CCDC92B: variants seen among roughly 807,000 people sequenced by gnomAD.
The protein encoded by CCDC92B is coiled-coil domain-containing 92B.
CCDC92B carries 2 observed loss-of-function variants against 5.6 expected under a neutral mutation model. The ratio of observed to expected loss-of-function variants is 0.36; its 90% CI spans 0.15 to 1.12. CCDC92B has a LOEUF of 1.12. CCDC92B is among the 50% of genes most tolerant of loss of function. The pLI is 0.40. For synonymous variants in CCDC92B, 115 were observed against 122.3 expected (o/e 0.94, Z 0.39); for missense variants, 271 against 262.2 (o/e 1.03, Z -0.23).
intron 2 of CCDC92B, among the ~76,000 whole-genome samples, chr17:2,732,739 C>T (rs2070808806): frequency 1.3e-5 from 2 of 150,318 alleles, no homozygotes; most frequent in Admixed American, 1.3e-4. Flanking sequence ...AAAGGCCAGG[C>T]ACGGTGGCTC....
chr17:2,721,681 C>T lies in CCDC92B; in HGVS notation c.*2730G>A, dbSNP rs1190959166. 1 of 152,242 alleles carries T rather than the reference C, an allele frequency of 6.6e-6. No homozygotes were observed. Among genetic ancestry groups the T allele is most frequent in the Non-Finnish European group, 1.5e-5 (1 of 68,074 alleles). The allele number at this position is 152,242 out of a possible 1,614,324, so 9.4% of individuals were successfully genotyped here. ...AGGGGAATTTCTGTGAAAACTGGAACCCTGTATCTGCTACAGGTGCTCCCC... is the reference window on the plus strand; with the variant it reads ...AGGGGAATTTCTGTGAAAACTGGAATCCTGTATCTGCTACAGGTGCTCCCC... On this transcript the variant is annotated 3_prime_UTR_variant, in exon 4 of 4. Coordinates refer to ENST00000614400, the MANE Select transcript of CCDC92B (RefSeq NM_001355573.2).
chr17:2,735,667 G>A lies in CCDC92B; in HGVS notation c.-23-499C>T, dbSNP rs545710613. ...GCTGGTCTTGAACTCCTAACCTCAGGAGATCCATCCGCCTTGGCCTCCCAG... is the reference window on the plus strand; with the variant it reads ...GCTGGTCTTGAACTCCTAACCTCAGAAGATCCATCCGCCTTGGCCTCCCAG... On this transcript the variant is annotated intron_variant, in intron 1 of 3. Coordinates refer to ENST00000614400, the MANE Select transcript of CCDC92B (RefSeq NM_001355573.2). 5.3e-5 allele frequency among the ~76,000 whole-genome samples: 8 copies of A among 152,292 alleles called. No homozygotes were observed. In the South Asian group the frequency reaches 1.0e-3, roughly 20 times the overall value.
In CCDC92B at chr17:2,724,699, G is replaced by A; in HGVS notation, c.480C>T (p.Ala160=). 4.1e-6 allele frequency: 4 copies of A among 982,710 alleles called. No individual in the cohort carries two copies. The highest frequency in any genetic ancestry group is 4.8e-6 in the Non-Finnish European group (4 of 828,598). 60.9% of individuals were successfully genotyped at this position (982,710 alleles called of 1,614,324 possible). Residue 160 remains alanine, a synonymous_variant, in exon 4 of 4, where the codon GCC becomes GCT. Transcript: ENST00000614400. The surrounding 1 kb of genome is among the most constrained non-coding windows in gnomAD (Gnocchi z 5.0). ...GGCGGCGTGGCCTGGGCTCGGCGGT[G>A]GCGCCGGGGCCCGGGCGCGGGGCCT... ...RLQAPRPGPG[A]TAEPRPRRRA...
In CCDC92B at chr17:2,724,404, C is replaced by T. The variant is rs1185250759; in HGVS notation, c.*7G>A. On this transcript the variant is annotated 3_prime_UTR_variant, in exon 4 of 4. Transcript: ENST00000614400. The surrounding 1 kb of genome is among the most constrained non-coding windows in gnomAD (Gnocchi z 5.0). ...TCCGTCCCGCGTCACCCCGGCCAGCCTGGCGCCTACTCCGGGTCCCCGGGC... is the reference window on the plus strand; with the variant it reads ...TCCGTCCCGCGTCACCCCGGCCAGCTTGGCGCCTACTCCGGGTCCCCGGGC... 4.1e-6 allele frequency: 4 copies of T among 984,826 alleles called. No homozygotes were observed. The East Asian group carries it at 3.4e-4, about 84-fold the overall frequency. The allele number at this position is 984,826 out of a possible 1,614,324, so 61.0% of individuals were successfully genotyped here.
chr17:2,737,148 C>T (rs1034570384), intron 1 of CCDC92B, among the ~76,000 whole-genome samples: 1 of 151,898 alleles, frequency 6.6e-6, no homozygotes, highest in Admixed American at 6.6e-5. Context: ...AGGCAGACCG[C>T]GAACACTGGA....
chr17:2,724,620 G>A lies in CCDC92B; in HGVS notation c.559C>T (p.Pro187Ser), dbSNP rs2070702526. The A allele has an allele frequency of 1.0e-6, 1 of 981,604 alleles. No individual in the cohort carries two copies. The highest frequency in any genetic ancestry group is 4.5e-5 in the South Asian group (1 of 22,022). The allele number at this position is 981,604 out of a possible 1,614,324, so 60.8% of individuals were successfully genotyped here. A position where few individuals can be genotyped will look rare whatever the true frequency, so the allele number is the denominator to read the frequency against. The change falls in exon 4 of 4, where the codon CCC (proline) becomes TCC (serine). Residue 187 changes from proline (P) to serine (S), a missense_variant. By Grantham distance (74) the Pro-to-Ser change is moderately conservative. Coordinates refer to ENST00000614400, the MANE Select transcript of CCDC92B (RefSeq NM_001355573.2). The surrounding 1 kb of genome is among the most constrained non-coding windows in gnomAD (Gnocchi z 5.0). ...TCCCAGGCGGCCCAGTCCCGGCCGG[G>A]GCCCTTGGCGGCGGCCTCGTGGGCA... Reference protein sequence around the residue: ...PAAHEAAAKGPGRDWAAWDRG... With the variant: ...PAAHEAAAKGSGRDWAAWDRG...
At chr17:2,736,417 A>G (rs1464449241) in intron 1 of CCDC92B, among the ~76,000 whole-genome samples, 1 of 151,568 alleles carries the variant, frequency 6.6e-6, no homozygotes, top group Admixed American at 6.6e-5. Context: ...ACAGGGTGAG[A>G]CTCTGTCTCT....
At chr17:2,728,624 C>G (rs1046655731) in intron 3 of CCDC92B, among the ~76,000 whole-genome samples, 1 of 151,038 alleles carries the variant, frequency 6.6e-6, no homozygotes, top group African/African-American at 2.4e-5. Flanking sequence ...ACAAAAAAAA[C>G]AAAAAGATGA....
chr17:2,727,704 A>G (rs576568871), intron 3 of CCDC92B, among the ~76,000 whole-genome samples: 20 of 152,114 alleles, frequency 1.3e-4, no homozygotes, highest in East Asian at 3.9e-4. Flanking sequence ...TGCGCCTGTG[A>G]TCCCAGCTAC....
At chr17:2,746,004 G>A (rs549754313) in intron 1 of CCDC92B, among the ~76,000 whole-genome samples, 1 of 151,844 alleles carries the variant, frequency 6.6e-6, no homozygotes, top group Non-Finnish European at 1.5e-5. Flanking sequence ...CCCCCGAGAT[G>A]GAGTTTTGCT....
Position 2,723,895 on chromosome 17 carries a change from T to C in CCDC92B, c.*516A>G, listed in dbSNP as rs370641799. Reference sequence around the variant, plus strand: ...CCTATCGGCAGGGTCAGGGTGGGGGTAGAAGGACCAGCCCCTAGCCTGGGC... The same window carrying C: ...CCTATCGGCAGGGTCAGGGTGGGGGCAGAAGGACCAGCCCCTAGCCTGGGC... On this transcript the variant is annotated 3_prime_UTR_variant, in exon 4 of 4. Transcript: ENST00000614400. 472 of 974,970 alleles carry C rather than the reference T, an allele frequency of 4.8e-4. 8 individuals are homozygous for C. In the East Asian group the frequency reaches 0.044, roughly 90 times the overall value. 60.4% of individuals were successfully genotyped at this position (974,970 alleles called of 1,614,324 possible). A position where few individuals can be genotyped will look rare whatever the true frequency, so the allele number is the denominator to read the frequency against.
rs2071031758 is a variant in CCDC92B, at chr17:2,749,623, G to T, written c.-236C>A. On this transcript the variant is annotated 5_prime_UTR_variant, in exon 1 of 4. Coordinates refer to ENST00000614400, the MANE Select transcript of CCDC92B (RefSeq NM_001355573.2). The stretch of plus-strand genomic sequence containing the variant: ...AAGGGGGGTCGGGGGCGGGCTCGAG[G>T]CGTAAACACCCAGCAACGTGACCGG... The T allele has an allele frequency of 6.7e-6, 1 of 149,354 alleles. No homozygotes were observed. The highest frequency in any genetic ancestry group is 6.6e-5 in the Admixed American group (1 of 15,042). The allele number at this position is 149,354 out of a possible 1,614,324, so 9.3% of individuals were successfully genotyped here.
chr17:2,729,505 A>AAAAG (rs1441573388), intron 3 of CCDC92B, among the ~76,000 whole-genome samples: 96 of 151,848 alleles, frequency 6.3e-4, no homozygotes, highest in Non-Finnish European at 1.1e-3. Context: ...AAAAAAAAAA[A>AAAAG]AAAAAAAAAT....
chr17:2,741,285 G>T (rs1014609365), intron 1 of CCDC92B, among the ~76,000 whole-genome samples: 1 of 152,056 alleles, frequency 6.6e-6, no homozygotes, highest in African/African-American at 2.4e-5. Context: ...AACAGACATT[G>T]CCGCTGCTAG....
intron 3 of CCDC92B, among the ~76,000 whole-genome samples, chr17:2,727,608 A>G (rs926359102): frequency 7.9e-5 from 12 of 151,686 alleles, no homozygotes; most frequent in South Asian, 2.1e-4. Flanking sequence ...GGCGGATCAC[A>G]AGGTCAGGAG....
At chr17:2,746,135 C>G (rs982976964) in intron 1 of CCDC92B, among the ~76,000 whole-genome samples, 1 of 152,216 alleles carries the variant, frequency 6.6e-6, no homozygotes, top group African/African-American at 2.4e-5. Context: ...GTGCCCACCA[C>G]CACGCCTGGC....
chr17:2,737,927 C>T (rs2070875020), intron 1 of CCDC92B, among the ~76,000 whole-genome samples: 1 of 151,910 alleles, frequency 6.6e-6, no homozygotes. Context: ...ACCACCCCAC[C>T]CCACTTCACA....
chr17:2,724,282 G>C lies in CCDC92B; in HGVS notation c.*129C>G. On this transcript the variant is annotated 3_prime_UTR_variant, in exon 4 of 4. Transcript: ENST00000614400. This position sits in a 1 kb window ranked among gnomAD's most constrained non-coding sequence, Gnocchi z 5.0. ...CGGTTCGGGGATTTGGGGGGAGCCG[G>C]GGCCGCCTCGCCCCGCTTCCTGGAG... 1.0e-6 allele frequency: 1 copy of C among 985,364 alleles called. No individual in the cohort carries two copies. Among genetic ancestry groups the C allele is most frequent in the Non-Finnish European group, 1.2e-6 (1 of 829,908 alleles). 61.0% of individuals were successfully genotyped at this position (985,364 alleles called of 1,614,324 possible). A position where few individuals can be genotyped will look rare whatever the true frequency, so the allele number is the denominator to read the frequency against.
intron 3 of CCDC92B, among the ~76,000 whole-genome samples, chr17:2,727,747 C>G (rs2070748007): frequency 6.6e-6 from 1 of 151,168 alleles, no homozygotes; most frequent in African/African-American, 2.4e-5. Context: ...TTGCTTGACC[C>G]TGGGAGGCGG....
Sources: allele counts gnomAD v4.1 joint callset (sites outside exome capture counted in the v4.1 genomes callset), GRCh38; gene constraint gnomAD v4.1.1; non-coding constraint Gnocchi (gnomAD v3.1); transcripts MANE v1.5; gene names NCBI Gene and HGNC (gene_info 2026-07-23, HGNC 2026-07-21).